TBC1D30: variants seen among roughly 807,000 people sequenced by gnomAD.
The protein encoded by TBC1D30 is TBC1 domain family, member 30.
TBC1D30 carries 31 observed loss-of-function variants against 63.2 expected under a neutral mutation model. The observed-to-expected ratio is 0.49, with a 90% CI of 0.37 to 0.66. The LOEUF (loss-of-function observed/expected upper bound fraction) is 0.66, where lower values mean the gene tolerates loss of function less well. TBC1D30 is among the 30% of genes least tolerant of loss of function. TBC1D30 has a pLI of 0.00. For synonymous variants in TBC1D30, 307 were observed against 361.5 expected (o/e 0.85, Z 1.71); for missense variants, 810 against 953.6 (o/e 0.85, Z 1.98).
In TBC1D30 at chr12:64,875,402, G is replaced by A. The variant is rs1023163578; in HGVS notation, c.1900G>A (p.Glu634Lys). The A allele has an allele frequency of 3.9e-6, 6 of 1,536,086 alleles. No individual in the cohort carries two copies. Among genetic ancestry groups the A allele is most frequent in the Non-Finnish European group, 5.2e-6 (6 of 1,146,930 alleles). The change falls in exon 12 of 12, where the codon GAG becomes AAG. Residue 634 changes from glutamate to lysine, a missense_variant. By Grantham distance (56) the Glu-to-Lys change is moderately conservative. Around this residue, in one of 4 missense-constraint regions of TBC1D30, gnomAD observed 450 missense variants for 473.0 expected, o/e 0.95. Transcript: ENST00000539867. ...TGAAGGCAGTACCAGGAGGACGATC[G>A]AGGGGCAGTCTCCGGAGCCGGTGTT... ...SPEGSTRRTI[E>K]GQSPEPVFGD...
At position 64,870,517 on chromosome 12, in the gene TBC1D30, G is replaced by T. The variant is rs777987566; in HGVS notation, c.1292-85G>T. 101 of 1,071,832 alleles carry T rather than the reference G, an allele frequency of 9.4e-5. 1 individual carries two copies. The highest frequency in any genetic ancestry group is 1.3e-4 in the Non-Finnish European group (92 of 730,604). The allele number at this position is 1,071,832 out of a possible 1,614,324, so 66.4% of individuals were successfully genotyped here. A position where few individuals can be genotyped will look rare whatever the true frequency, so the allele number is the denominator to read the frequency against. On this transcript the variant is annotated intron_variant, in intron 10 of 11. Coordinates refer to ENST00000539867, the MANE Select transcript of TBC1D30 (RefSeq NM_015279.2). Reference sequence around the variant, plus strand: ...AGAATTTCATGGAGGTTAAGATACCGCACTGAGTTGTAGTGTTATCAATTT... The same window carrying T: ...AGAATTTCATGGAGGTTAAGATACCTCACTGAGTTGTAGTGTTATCAATTT...
intron 1 of TBC1D30, among the ~76,000 whole-genome samples, chr12:64,826,710 G>C (rs1261849901): frequency 6.6e-6 from 1 of 152,136 alleles, no homozygotes; most frequent in Non-Finnish European, 1.5e-5. Context: ...GGCAGAGTAT[G>C]GTTATGGCCC....
intron 1 of TBC1D30, chr12:64,781,430 G>A (rs1565638645): frequency 1.1e-6 from 1 of 882,270 alleles, no homozygotes. Context: ...GGTACCCACC[G>A]TGGCACAGAT....
chr12:64,808,201 A>G (rs898097152), intron 2 of TBC1D30, among the ~76,000 whole-genome samples: 2 of 152,112 alleles, frequency 1.3e-5, no homozygotes, highest in Non-Finnish European at 1.5e-5. Context: ...CTCTTGCCAC[A>G]TGCTATTTCC....
In TBC1D30 at chr12:64,796,160, A is replaced by G. The variant is rs551535547; in HGVS notation, c.643+10115A>G. Among the ~76,000 whole-genome samples the G allele has an allele frequency of 1.3e-4, 16 of 127,044 alleles. No individual in the cohort carries two copies. In the South Asian group the frequency reaches 3.9e-3, roughly 31 times the overall value. The allele number at this position is 127,044 out of a possible 152,430, so 83.3% of individuals were successfully genotyped here. A position where few individuals can be genotyped will look rare whatever the true frequency, so the allele number is the denominator to read the frequency against. On this transcript the variant is annotated intron_variant, in intron 2 of 12. Transcript: ENST00000542120. ...AGTTAAGAGTTTTTTTTTTTTTTTC[A>G]TTTTGTCATAATTTACTTGTGTTTC... is the stretch of plus-strand genomic sequence containing the variant.
intron 7 of TBC1D30, among the ~76,000 whole-genome samples, chr12:64,841,639 C>T (rs1875880556): frequency 6.6e-6 from 1 of 152,226 alleles, no homozygotes; most frequent in Non-Finnish European, 1.5e-5. Flanking sequence ...ACCACTACCC[C>T]AGTGCTGGTC....
At chr12:64,835,139 A>G (rs1023502527) in intron 5 of TBC1D30, among the ~76,000 whole-genome samples, 3 of 151,906 alleles carry the variant, frequency 2.0e-5, no homozygotes, top group African/African-American at 7.3e-5. Context: ...GACAGAATTT[A>G]CTCCTTTCTT....
rs567170170 is a variant in TBC1D30, at chr12:64,839,076, A to G, written c.932+225A>G. Reference sequence around the variant, plus strand: ...CTGTAGATTCTCCCACTCCTCCTCAAGTGCTTGTGTCCTGGCTGGTTCACT... The same window carrying G: ...CTGTAGATTCTCCCACTCCTCCTCAGGTGCTTGTGTCCTGGCTGGTTCACT... On this transcript the variant is annotated intron_variant, in intron 7 of 11. Transcript: ENST00000539867. 2.6e-5 allele frequency among the ~76,000 whole-genome samples: 4 copies of G among 152,316 alleles called. No homozygotes were observed. In the South Asian group the frequency reaches 8.3e-4, roughly 32 times the overall value.
chr12:64,810,946 G>A (rs776648465), intron 2 of TBC1D30, among the ~76,000 whole-genome samples: 5 of 152,174 alleles, frequency 3.3e-5, no homozygotes, highest in Non-Finnish European at 5.9e-5. Flanking sequence ...GGAGTCAGCC[G>A]TAGATAAATT....
In TBC1D30 at chr12:64,855,454, T is replaced by C. The variant is rs543156293; in HGVS notation, c.1039-9214T>C. 2.0e-5 allele frequency among the ~76,000 whole-genome samples: 3 copies of C among 152,326 alleles called. No homozygotes were observed. In the South Asian group the frequency reaches 6.2e-4, roughly 32 times the overall value. On this transcript the variant is annotated intron_variant, in intron 8 of 11. Transcript: ENST00000539867. ...TTCTCTAACTCCACTTTAAGGCCAA[T>C]AACTGTTAGATTTGCCCTTTTGAGG...
Position 64,870,814 on chromosome 12 carries a change from G to A in TBC1D30, c.1498+6G>A, listed in dbSNP as rs1878599393. 5.2e-6 allele frequency: 8 copies of A among 1,535,874 alleles called. No homozygotes were observed. The highest frequency in any genetic ancestry group is 7.0e-6 in the Non-Finnish European group (8 of 1,146,704). On this transcript the variant is annotated splice_donor_region_variant and intron_variant, in intron 11 of 11. Coordinates refer to ENST00000539867, the MANE Select transcript of TBC1D30 (RefSeq NM_015279.2). ...TCAGGTGTACATCAGGGCAGGTAAT[G>A]TGATTCTTCATTTGAATCAATTTCA...
intron 8 of TBC1D30, among the ~76,000 whole-genome samples, chr12:64,846,145 T>G (rs925767982): frequency 1.3e-5 from 2 of 151,594 alleles, no homozygotes; most frequent in Non-Finnish European, 2.9e-5. Flanking sequence ...CTCCCACTCT[T>G]TGAGTTGTCT....
intron 9 of TBC1D30, among the ~76,000 whole-genome samples, chr12:64,865,022 A>G (rs1037464572): frequency 2.6e-5 from 4 of 152,000 alleles, no homozygotes; most frequent in Non-Finnish European, 5.9e-5. Flanking sequence ...TTATCTAATG[A>G]TATCAAGCAT....
intron 5 of TBC1D30, among the ~76,000 whole-genome samples, chr12:64,832,564 A>G (rs574337519): frequency 6.6e-6 from 1 of 152,374 alleles, no homozygotes; most frequent in East Asian, 1.9e-4. Context: ...TATTAATTGT[A>G]TTAATTATTC....
chr12:64,822,476 T>G (rs1592591293), upstream of TBC1D30, among the ~76,000 whole-genome samples: 1 of 151,902 alleles, frequency 6.6e-6, no homozygotes, highest in Non-Finnish European at 1.5e-5. Context: ...CCACAGCACC[T>G]GACCCAGCAA....
exon 1 of TBC1D30, chr12:64,780,841 G>C: frequency 1.0e-6 from 1 of 998,046 alleles, no homozygotes; most frequent in Non-Finnish European, 1.2e-6. Context: ...GGGGCCGCCC[G>C]GGGCTCCGGA....
chr12:64,832,044 G>C, intron 4 of TBC1D30, 75 bp from the exon 5 acceptor site: 1 of 1,352,796 alleles, frequency 7.4e-7, no homozygotes, highest in South Asian at 1.8e-5. Context: ...TGTTTATTGA[G>C]TCAAAAAAAA....
upstream of TBC1D30, among the ~76,000 whole-genome samples, chr12:64,824,362 C>G (rs12308138): frequency 0.021 from 3,152 of 152,324 alleles, 53 homozygotes; most frequent in Middle Eastern, 0.058. Flanking sequence ...GATGCTTGCC[C>G]TTACGGGTGT....
At chr12:64,827,944 C>T (rs1592600519) in intron 2 of TBC1D30, 48 bp downstream of exon 2, 5 of 1,244,582 alleles carry the variant, frequency 4.0e-6, no homozygotes, top group Non-Finnish European at 5.6e-6. Flanking sequence ...ACCAACAGGG[C>T]ACATTGAGAT....
Sources: allele counts gnomAD v4.1 joint callset (sites outside exome capture counted in the v4.1 genomes callset), GRCh38; gene constraint gnomAD v4.1.1; regional missense constraint gnomAD v4.1.1; transcripts MANE v1.5; gene names NCBI Gene and HGNC (gene_info 2026-07-23, HGNC 2026-07-21).